The following TMEM117 variants were observed in gnomAD, a reference collection of about 807,000 sequenced individuals.
TMEM117 encodes the protein transmembrane protein 117.
TMEM117 carries 27 observed loss-of-function variants against 52.4 expected under a neutral mutation model. The observed-to-expected ratio is 0.51, with a 90% confidence interval of 0.38 to 0.71. The LOEUF (loss-of-function observed/expected upper bound fraction) is 0.71. Ranked by LOEUF, TMEM117 falls within the 30% of genes least tolerant of loss-of-function variation. The pLI is 0.00. For synonymous variants in TMEM117, 215 were observed against 206.3 expected, an observed-to-expected ratio of 1.04 and a Z score of -0.36; for missense variants, 556 against 630.5, an observed-to-expected ratio of 0.88 and a Z score of 1.26.
chr12:43,806,403 C>T, the TMEM117 span: 1 of 1,156,124 alleles, frequency 8.6e-7, no homozygotes, highest in Non-Finnish European at 1.1e-6. Context: ...GCCCGAGCGT[C>T]CCCGCCGCCC....
chr12:43,964,823 T>G (rs1217510256), intron 3 of TMEM117, among the ~76,000 whole-genome samples: 2 of 152,232 alleles, frequency 1.3e-5, no homozygotes, highest in African/African-American at 4.8e-5. Context: ...TATGCCATTT[T>G]GGTTCTAAAT....
intron 5 of TMEM117, among the ~76,000 whole-genome samples, chr12:44,241,955 A>G (rs1019211086): frequency 1.3e-5 from 2 of 151,874 alleles, no homozygotes; most frequent in African/African-American, 2.4e-5. Context: ...TTGCTTGGCT[A>G]TTCTTCTCTT....
chr12:43,830,492 C>T, the TMEM117 span, among the ~76,000 whole-genome samples: 7 of 151,738 alleles, frequency 4.6e-5, no homozygotes, highest in Admixed American at 1.3e-4. Context: ...CGCCTGTAAT[C>T]GCAGCTACTC....
chr12:43,967,351 T>C (rs1945502572), intron 3 of TMEM117, among the ~76,000 whole-genome samples: 1 of 152,138 alleles, frequency 6.6e-6, no homozygotes. Context: ...CTTGAACTCC[T>C]GGACTCGAGC....
At chr12:44,168,502 A>G (rs1481754526) in intron 4 of TMEM117, among the ~76,000 whole-genome samples, 1 of 152,146 alleles carries the variant, frequency 6.6e-6, no homozygotes, top group Admixed American at 6.5e-5. Flanking sequence ...TAATGGCTGT[A>G]TCGTAACTCT....
rs190183798 is a variant in TMEM117, at chr12:44,371,791, A to G, written c.769-4804A>G. ...GATATCCTGAGACGATCTTGCCTACATATTTAACAGTGAACTGAAATTTTG... is the reference window on the plus strand; with the variant it reads ...GATATCCTGAGACGATCTTGCCTACGTATTTAACAGTGAACTGAAATTTTG... On this transcript the variant is annotated intron_variant, in intron 6 of 7. Transcript: ENST00000266534. Among the ~76,000 whole-genome samples the G allele has an allele frequency of 1.1e-4, 16 of 152,322 alleles. No homozygotes were observed. The East Asian group carries it at 2.9e-3, about 28-fold the overall frequency.
chr12:44,253,478 T>C (rs1950219364), intron 5 of TMEM117, among the ~76,000 whole-genome samples: 1 of 152,144 alleles, frequency 6.6e-6, no homozygotes, highest in African/African-American at 2.4e-5. Flanking sequence ...AAAGACCCGA[T>C]ATGAGCCTCC....
intron 3 of TMEM117, among the ~76,000 whole-genome samples, chr12:44,121,690 A>G (rs1185357440): frequency 6.6e-6 from 1 of 152,172 alleles, no homozygotes; most frequent in Non-Finnish European, 1.5e-5. Flanking sequence ...AATTATATAC[A>G]GATTATTTTT....
chr12:43,975,837 A>G (rs868580069), intron 3 of TMEM117, among the ~76,000 whole-genome samples: 3 of 152,206 alleles, frequency 2.0e-5, no homozygotes, highest in Admixed American at 2.0e-4. Flanking sequence ...ATGCTGGACT[A>G]AAAAGCAGAA....
chr12:44,180,008 T>C (rs1949169305), intron 4 of TMEM117, among the ~76,000 whole-genome samples: 2 of 151,666 alleles, frequency 1.3e-5, no homozygotes, highest in African/African-American at 4.9e-5. Context: ...CAGAAGAAAA[T>C]AAAAAAGAAG....
chr12:44,212,275 C>G (rs908501375), intron 5 of TMEM117, among the ~76,000 whole-genome samples: 2 of 152,132 alleles, frequency 1.3e-5, no homozygotes, highest in Non-Finnish European at 2.9e-5. Context: ...CTTTGTCTAG[C>G]GTCTATCCAT....
chr12:44,050,062 A>G (rs1364620226), intron 3 of TMEM117, among the ~76,000 whole-genome samples: 1 of 152,246 alleles, frequency 6.6e-6, no homozygotes, highest in East Asian at 1.9e-4. Flanking sequence ...AGCAGAATGA[A>G]GGGAAATGAG....
chr12:44,282,782 A>C (rs1040745553), intron 5 of TMEM117, among the ~76,000 whole-genome samples: 5 of 152,228 alleles, frequency 3.3e-5, no homozygotes, highest in African/African-American at 1.2e-4. Context: ...CCTAATGTGA[A>C]TCCCCAAGAC....
intron 2 of TMEM117, among the ~76,000 whole-genome samples, chr12:43,912,566 AT>A (rs1944530864): frequency 6.8e-6 from 1 of 146,842 alleles, no homozygotes; most frequent in Non-Finnish European, 1.5e-5. Flanking sequence ...GTGGGCAGGG[AT>A]TTTTATCTGT....
intron 2 of TMEM117, among the ~76,000 whole-genome samples, chr12:43,917,236 A>C (rs1592361647): frequency 2.6e-4 from 1 of 3,912 alleles, no homozygotes. Context: ...TCTACAAAAA[A>C]AAAAAAAAAA....
At chr12:43,815,679 A>G in the TMEM117 span, among the ~76,000 whole-genome samples, 2 of 152,274 alleles carry the variant, frequency 1.3e-5, no homozygotes, top group Admixed American at 6.5e-5. Context: ...TTGCTACTGC[A>G]GCCATAAACC....
intron 3 of TMEM117, among the ~76,000 whole-genome samples, chr12:44,081,816 C>T (rs1026016874): frequency 4.6e-5 from 7 of 151,910 alleles, no homozygotes; most frequent in African/African-American, 1.7e-4. Flanking sequence ...AAGCATGGTG[C>T]CCCACAATTC....
At chr12:44,081,402 CTTTTTGTGTTCCTCAGTTCAT>C (rs1329353317) in intron 3 of TMEM117, among the ~76,000 whole-genome samples, 18 of 152,126 alleles carry the variant, frequency 1.2e-4, no homozygotes, top group Non-Finnish European at 2.1e-4. Flanking sequence ...GGTGTTCCAG[CTTTTTGTGTTCCTCAGTTCAT>C]TTTTTGTGGT....
chr12:44,380,554 T>C (rs1236120397), intron 7 of TMEM117, among the ~76,000 whole-genome samples: 1 of 152,212 alleles, frequency 6.6e-6, no homozygotes, highest in East Asian at 1.9e-4. Context: ...CTAGCTTTGC[T>C]ACTTACTGGT....
Sources: gnomAD v4.1 joint callset for allele counts (sites outside exome capture counted in the v4.1 genomes callset) on GRCh38, gnomAD v4.1.1 for gene constraint, MANE v1.5 for transcripts, NCBI Gene and HGNC (gene_info 2026-07-23, HGNC 2026-07-21) for gene names.